Variants in TMOD3 observed in about 807,000 individuals in gnomAD.
TMOD3 encodes the protein tropomodulin-3.
In TMOD3, 20 loss-of-function variants were observed where a neutral mutation model predicts 39.2. That is an observed-to-expected ratio of 0.51 (90% CI 0.36 to 0.74). The LOEUF is 0.74. Among genes scored for constraint, TMOD3 ranks in the 30% least tolerant of loss-of-function variants. The pLI is 0.00. For missense variants in TMOD3, 381 were observed against 412.8 expected (o/e 0.92, Z 0.67); for synonymous variants, 143 against 145.8 (o/e 0.98, Z 0.14).
intron 2 of TMOD3, among the ~76,000 whole-genome samples, chr15:51,864,703 A>G (rs182246551): frequency 1.8e-4 from 28 of 152,296 alleles, no homozygotes; most frequent in Admixed American, 1.6e-3. Flanking sequence ...GTTTAGGACT[A>G]GATGGTTTGA....
At chr15:51,851,717 C>T (rs926676665) in intron 1 of TMOD3, among the ~76,000 whole-genome samples, 7 of 152,214 alleles carry the variant, frequency 4.6e-5, no homozygotes, top group African/African-American at 1.7e-4. Context: ...TTATTAAATA[C>T]TAACTGAAAT....
At chr15:51,834,549 G>A (rs778740351) in intron 1 of TMOD3, among the ~76,000 whole-genome samples, 1 of 152,000 alleles carries the variant, frequency 6.6e-6, no homozygotes, top group African/African-American at 2.4e-5. Flanking sequence ...TCCCTTTCTC[G>A]GCCAGGCACA....
At chr15:51,896,559 G>C in intron 7 of TMOD3, 33 bp downstream of exon 7, 1 of 1,513,792 alleles carries the variant, frequency 6.6e-7, no homozygotes, top group Non-Finnish European at 9.2e-7. Flanking sequence ...TCAAAATTAT[G>C]ACATGCCCAG....
At chr15:51,902,323 G>A (rs2056655013) in intron 9 of TMOD3, among the ~76,000 whole-genome samples, 1 of 152,158 alleles carries the variant, frequency 6.6e-6, no homozygotes, top group South Asian at 2.1e-4. Context: ...TCAGTCCTTG[G>A]AACTATTGAA....
At chr15:51,842,534 G>A (rs926239155) in intron 1 of TMOD3, among the ~76,000 whole-genome samples, 1 of 152,094 alleles carries the variant, frequency 6.6e-6, no homozygotes, top group African/African-American at 2.4e-5. Flanking sequence ...ACTTACAAGT[G>A]CCCTGTCTGT....
chr15:51,891,813 T>C (rs550836083), intron 5 of TMOD3, among the ~76,000 whole-genome samples: 23 of 152,352 alleles, frequency 1.5e-4, no homozygotes, highest in African/African-American at 5.5e-4. Flanking sequence ...CCACTCTCTG[T>C]TGTTTAGCAG....
rs1409402379 is a variant in TMOD3 at position 51,867,979 on chromosome 15, C to A, written c.127-1238C>A. 3.3e-5 allele frequency among the ~76,000 whole-genome samples: 5 copies of A among 152,206 alleles called. No homozygotes were observed. In the East Asian group the frequency reaches 9.6e-4, roughly 29 times the overall value. ...CTGTACCCGTGTGGAAACCCAGGAACATAGCTCTTGCTGTGAGTATGTCAG... is the reference window on the plus strand; with the variant it reads ...CTGTACCCGTGTGGAAACCCAGGAAAATAGCTCTTGCTGTGAGTATGTCAG... On this transcript the variant is annotated intron_variant, in intron 2 of 9. Transcript: ENST00000308580.
rs756676798 is a variant in TMOD3 at position 51,869,360 on chromosome 15, T to A, written c.270T>A (p.Thr90=). Residue 90 remains threonine, a synonymous_variant, in exon 3 of 10, where the codon ACT becomes ACA. Coordinates refer to ENST00000308580, the MANE Select transcript of TMOD3 (RefSeq NM_014547.5). ...ACAGGGAAGACTATGTGCCCTACAC[T>A]GGAGAAAAAAAAGGTAAGCCCCAGA... is the stretch of plus-strand genomic sequence containing the variant. The part of the protein sequence containing the change: ...HKDREDYVPY[T]GEKKGKIFIP... The A allele has an allele frequency of 3.7e-6, 6 of 1,606,614 alleles. No individual in the cohort carries two copies. Among genetic ancestry groups the A allele is most frequent in the Non-Finnish European group, 5.1e-6 (6 of 1,178,102 alleles).
At chr15:51,841,979 T>C (rs934814113) in intron 1 of TMOD3, among the ~76,000 whole-genome samples, 1 of 152,204 alleles carries the variant, frequency 6.6e-6, no homozygotes, top group Non-Finnish European at 1.5e-5. Flanking sequence ...TTTCACCATG[T>C]TGGCCAGGCT....
intron 1 of TMOD3, among the ~76,000 whole-genome samples, chr15:51,831,834 C>G (rs1212408685): frequency 3.3e-5 from 5 of 151,754 alleles, no homozygotes; most frequent in Non-Finnish European, 5.9e-5. Context: ...GTGTCTTGCC[C>G]CATTCTGTAT....
At chr15:51,868,647 T>C (rs1417024526) in intron 2 of TMOD3, among the ~76,000 whole-genome samples, 2 of 152,226 alleles carry the variant, frequency 1.3e-5, no homozygotes, top group African/African-American at 4.8e-5. Context: ...TGTTTTCTGC[T>C]AGTAGAATCC....
chr15:51,870,978 C>T (rs1236505609), intron 3 of TMOD3, among the ~76,000 whole-genome samples: 1 of 152,076 alleles, frequency 6.6e-6, no homozygotes, highest in Non-Finnish European at 1.5e-5. Flanking sequence ...ATGAGGCCCA[C>T]CCACATTATG....
At chr15:51,871,277 AT>A (rs2056473429) in intron 3 of TMOD3, among the ~76,000 whole-genome samples, 1 of 152,102 alleles carries the variant, frequency 6.6e-6, no homozygotes, top group Non-Finnish European at 1.5e-5. Context: ...CTTCCTTTTT[AT>A]TTGTCAAAGA....
intron 9 of TMOD3, among the ~76,000 whole-genome samples, chr15:51,907,480 C>G (rs2056687948): frequency 6.6e-6 from 1 of 152,152 alleles, no homozygotes; most frequent in Non-Finnish European, 1.5e-5. Flanking sequence ...AACGTATGGT[C>G]TTATCTATTA....
intron 8 of TMOD3, chr15:51,901,607 G>A (rs2056650948): frequency 2.7e-6 from 1 of 365,394 alleles, no homozygotes; most frequent in Non-Finnish European, 5.1e-6. Context: ...GTGTGTGTGT[G>A]TGTGTATAAA....
At chr15:51,896,054 GC>G (rs1210624572) in intron 6 of TMOD3, among the ~76,000 whole-genome samples, 1 of 152,194 alleles carries the variant, frequency 6.6e-6, no homozygotes, top group Non-Finnish European at 1.5e-5. Context: ...GTTGCAGTGA[GC>G]TGAGATTGCG....
chr15:51,839,272 C>G (rs1046550962), intron 1 of TMOD3, among the ~76,000 whole-genome samples: 8 of 151,194 alleles, frequency 5.3e-5, no homozygotes, highest in Non-Finnish European at 1.2e-4. Flanking sequence ...CAGGCTCAAG[C>G]AATCCTCCCA....
Position 51,900,226 on chromosome 15 carries a change from A to T in TMOD3, c.807A>T (p.Gly269=), listed in dbSNP as rs1442933969. 3.1e-6 allele frequency: 5 copies of T among 1,614,096 alleles called. No homozygotes were observed. The highest frequency in any genetic ancestry group is 4.2e-6 in the Non-Finnish European group (5 of 1,180,056). Residue 269 remains glycine, a synonymous_variant, in exon 8 of 10, where the codon GGA becomes GGT. Coordinates refer to ENST00000308580, the MANE Select transcript of TMOD3 (RefSeq NM_014547.5). ...SLNVESNFIT[G]VGILALIDAL... ...ATGTGGAGTCCAACTTTATCACGGG[A>T]GTTGGGATTCTGGCACTGATTGATG...
At chr15:51,895,679 A>G (rs74385595) in intron 6 of TMOD3, among the ~76,000 whole-genome samples, 2,314 of 152,220 alleles carry the variant, frequency 0.015, 68 homozygotes, top group East Asian at 0.075. Flanking sequence ...TGTAGGGTTA[A>G]TCTCTCTTAG....
Sources: gnomAD v4.1 joint callset for allele counts (sites outside exome capture counted in the v4.1 genomes callset) on GRCh38, gnomAD v4.1.1 for gene constraint, MANE v1.5 for transcripts, NCBI Gene and HGNC (gene_info 2026-07-23, HGNC 2026-07-21) for gene names.